FOXO1: variants seen among roughly 807,000 people sequenced by gnomAD.
The protein encoded by FOXO1 is forkhead box O1, also known as forkhead box protein O1.
FOXO1 carries 6 observed loss-of-function variants against 44.1 expected under a neutral mutation model. The observed-to-expected ratio is 0.14, with a 90% CI of 0.07 to 0.27. The LOEUF (loss-of-function observed/expected upper bound fraction) is 0.27, where lower values mean the gene tolerates loss of function less well. Among genes scored for constraint, FOXO1 ranks in the 10% least tolerant of loss-of-function variants. The pLI is 1.00. For synonymous variants in FOXO1, 380 were observed against 362.7 expected (o/e 1.05, Z -0.54); for missense variants, 737 against 888.8 (o/e 0.83, Z 2.17).
intron 1 of FOXO1, among the ~76,000 whole-genome samples, chr13:40,640,383 A>G (rs978981314): frequency 6.6e-6 from 1 of 152,230 alleles, no homozygotes; most frequent in African/African-American, 2.4e-5. Flanking sequence ...TCTGAACTAC[A>G]CTACACTCTC....
chr13:40,608,136 C>A (rs538155314), intron 1 of FOXO1, among the ~76,000 whole-genome samples: 1 of 152,338 alleles, frequency 6.6e-6, no homozygotes, highest in South Asian at 2.1e-4. Flanking sequence ...CCAAAAGCTA[C>A]CCTCAGCTGC....
At chr13:40,563,000 T>C (rs980348041) in intron 1 of FOXO1, among the ~76,000 whole-genome samples, 5 of 152,240 alleles carry the variant, frequency 3.3e-5, no homozygotes, top group African/African-American at 9.6e-5. Flanking sequence ...GGAGTGGGAT[T>C]CTGGGTGCCC....
At chr13:40,647,758 G>A (rs1877557235) in intron 1 of FOXO1, among the ~76,000 whole-genome samples, 1 of 152,132 alleles carries the variant, frequency 6.6e-6, no homozygotes, top group East Asian at 1.9e-4. Context: ...AAGGATGGGG[G>A]GAAGCCATTT....
At chr13:40,581,230 A>C (rs1593387037) in intron 1 of FOXO1, among the ~76,000 whole-genome samples, 1 of 152,172 alleles carries the variant, frequency 6.6e-6, no homozygotes, top group African/African-American at 2.4e-5. Flanking sequence ...GAAGGCAAAA[A>C]AGGGGAGCGA....
chr13:40,572,595 C>A (rs997833295), intron 1 of FOXO1, among the ~76,000 whole-genome samples: 2 of 152,192 alleles, frequency 1.3e-5, no homozygotes, highest in African/African-American at 4.8e-5. Context: ...CTCGAGACTG[C>A]CGAATATATA....
At chr13:40,614,478 T>C (rs900817561) in intron 1 of FOXO1, among the ~76,000 whole-genome samples, 2 of 152,186 alleles carry the variant, frequency 1.3e-5, no homozygotes, top group African/African-American at 4.8e-5. Context: ...CCTGAAAACA[T>C]GGTCAATGAC....
intron 1 of FOXO1, among the ~76,000 whole-genome samples, chr13:40,572,494 C>T (rs562234109): frequency 1.3e-4 from 20 of 152,282 alleles, no homozygotes; most frequent in African/African-American, 4.8e-4. Context: ...AATTACACTA[C>T]CTGCAATGTT....
chr13:40,599,545 G>A (rs1158850212), intron 1 of FOXO1, among the ~76,000 whole-genome samples: 1 of 152,204 alleles, frequency 6.6e-6, no homozygotes, highest in African/African-American at 2.4e-5. Context: ...TAGCACTTAT[G>A]TTCGTTTTGT....
At chr13:40,596,016 G>C (rs1375954477) in intron 1 of FOXO1, among the ~76,000 whole-genome samples, 1 of 150,984 alleles carries the variant, frequency 6.6e-6, no homozygotes, top group Non-Finnish European at 1.5e-5. Context: ...TCAGTACATG[G>C]CATGGTTATT....
At chr13:40,636,221 A>C (rs1383063983) in intron 1 of FOXO1, among the ~76,000 whole-genome samples, 1 of 152,102 alleles carries the variant, frequency 6.6e-6, no homozygotes. Context: ...TCAAAAAAAA[A>C]ACAAAAAACA....
At position 40,557,175 on chromosome 13, in the gene FOXO1, G is replaced by A. The variant is rs1441182637; in HGVS notation, c.*1874C>T. The A allele has an allele frequency of 6.6e-6, 1 of 152,230 alleles. No individual in the cohort carries two copies. Among genetic ancestry groups the A allele is most frequent in the Non-Finnish European group, 1.5e-5 (1 of 68,042 alleles). The allele number at this position is 152,230 out of a possible 1,614,324, so 9.4% of individuals were successfully genotyped here. ...TTAACATACAAGACAAAGCAAGTGT[G>A]ATGTGGGCTATATACAGAAAAATTA... is the stretch of plus-strand genomic sequence containing the variant. On this transcript the variant is annotated 3_prime_UTR_variant, in exon 3 of 3. Coordinates refer to ENST00000379561, the MANE Select transcript of FOXO1 (RefSeq NM_002015.4).
chr13:40,641,439 T>C (rs574786455), intron 1 of FOXO1, among the ~76,000 whole-genome samples: 8 of 151,614 alleles, frequency 5.3e-5, no homozygotes, highest in African/African-American at 1.9e-4. Context: ...TATATCATTA[T>C]ATATTTTTCA....
rs1418421186 is a variant in FOXO1 at position 40,556,206 on chromosome 13, T to C, written c.*2843A>G. ...AGCAGTTGAACAAGTCCAATTTGTA[T>C]ATCGTTGGAGAATGATTTCCATTTT... On this transcript the variant is annotated 3_prime_UTR_variant, in exon 3 of 3. Transcript: ENST00000379561. 7.9e-5 allele frequency: 12 copies of C among 152,436 alleles called. No individual in the cohort carries two copies. In the South Asian group the frequency reaches 1.9e-3, roughly 24 times the overall value. The allele number at this position is 152,436 out of a possible 1,614,324, so 9.4% of individuals were successfully genotyped here. A position where few individuals can be genotyped will look rare whatever the true frequency, so the allele number is the denominator to read the frequency against.
rs938845534 is a variant in FOXO1, at chr13:40,594,991, T to C, written c.631-34131A>G. Reference sequence around the variant, plus strand: ...TATGAGCCACCGCACCAGCATACAGTAGACTTTATATATGCTTATTTGGTT... The same window carrying C: ...TATGAGCCACCGCACCAGCATACAGCAGACTTTATATATGCTTATTTGGTT... On this transcript the variant is annotated intron_variant, in intron 1 of 2. Transcript: ENST00000379561. Among the ~76,000 whole-genome samples, 4 of 152,188 alleles carry C rather than the reference T, an allele frequency of 2.6e-5. No homozygotes were observed. In the East Asian group the frequency reaches 5.8e-4, roughly 22 times the overall value.
intron 1 of FOXO1, among the ~76,000 whole-genome samples, chr13:40,571,237 G>A (rs1874481275): frequency 6.6e-6 from 1 of 152,034 alleles, no homozygotes; most frequent in Admixed American, 6.5e-5. Context: ...TGGGGGGAAG[G>A]GGGAGGGATA....
intron 1 of FOXO1, among the ~76,000 whole-genome samples, chr13:40,621,786 T>C (rs946703276): frequency 2.0e-5 from 3 of 152,322 alleles, no homozygotes; most frequent in African/African-American, 7.2e-5. Flanking sequence ...TAATACCTTT[T>C]CATGAGAGTA....
chr13:40,603,568 G>A (rs957460328), intron 1 of FOXO1, among the ~76,000 whole-genome samples: 1 of 152,058 alleles, frequency 6.6e-6, no homozygotes, highest in Non-Finnish European at 1.5e-5. Flanking sequence ...ACTCTGGCTA[G>A]GCTTCCATTC....
chr13:40,598,214 C>A (rs1291030922), intron 1 of FOXO1, among the ~76,000 whole-genome samples: 12 of 152,168 alleles, frequency 7.9e-5, no homozygotes, highest in Admixed American at 7.2e-4. Flanking sequence ...ACCGGCGAAA[C>A]TGGCTCTTCA....
In FOXO1 at chr13:40,666,002, T is replaced by A; in HGVS notation, c.211A>T (p.Met71Leu). The A allele has an allele frequency of 7.9e-7, 1 of 1,264,780 alleles. No homozygotes were observed. 78.3% of individuals were successfully genotyped at this position (1,264,780 alleles called of 1,614,324 possible). ...ASAAAVSADFMSNLSLLEESE... is the reference protein window; with the variant it reads ...ASAAAVSADFLSNLSLLEESE... ...TCCTCCAGCAAGCTCAGGTTGCTCATGAAGTCGGCGCTGACAGCGGCAGCC... is the reference window on the plus strand; with the variant it reads ...TCCTCCAGCAAGCTCAGGTTGCTCAAGAAGTCGGCGCTGACAGCGGCAGCC... Residue 71 changes from methionine to leucine, a missense_variant, in exon 1 of 3, where the codon ATG becomes TTG. Coordinates refer to ENST00000379561, the MANE Select transcript of FOXO1 (RefSeq NM_002015.4).
Sources: gnomAD v4.1 joint callset for allele counts (sites outside exome capture counted in the v4.1 genomes callset) on GRCh38, gnomAD v4.1.1 for gene constraint, MANE v1.5 for transcripts, NCBI Gene and HGNC (gene_info 2026-07-23, HGNC 2026-07-21) for gene names.